The following DCDC2 variants were observed in gnomAD, a reference collection of about 807,000 sequenced individuals.
DCDC2 encodes the protein doublecortin domain-containing protein 2.
Under a neutral mutation model 50.2 loss-of-function variants are expected in DCDC2, and 40 were observed. The observed-to-expected ratio is 0.80, with a 90% CI of 0.62 to 1.04. DCDC2 has a LOEUF of 1.04. Among genes scored for constraint, DCDC2 ranks in the 50% least tolerant of loss-of-function variants. The pLI is 0.00. For missense variants in DCDC2, 570 were observed against 581.9 expected (o/e 0.98, Z 0.21); for synonymous variants, 234 against 210.6 (o/e 1.11, Z -0.96).
In DCDC2 at chr6:24,248,492, GTGGTAGTATTAGTAT is replaced by G. The variant is rs769553392; in HGVS notation, c.922+29542_922+29556del. On this transcript the variant is annotated intron_variant, in intron 7 of 9. Transcript: ENST00000378454. ...CTGGCACACAGGATGTCCTTAATCAGTGGTAGTATTAGTATTGGTAGTATTAGTATTAGTATCATT... is the reference window on the plus strand; with the variant it reads ...CTGGCACACAGGATGTCCTTAATCAGTGGTAGTATTAGTATTAGTATCATT... 4.3e-4 allele frequency among the ~76,000 whole-genome samples: 66 copies of G among 152,250 alleles called. 1 individual carries two copies. Among genetic ancestry groups the G allele is most frequent in the Non-Finnish European group, 8.1e-4 (55 of 68,028 alleles).
chr6:24,279,707 G>C (rs807722), intron 6 of DCDC2, among the ~76,000 whole-genome samples: 84,629 of 152,122 alleles, frequency 0.56, 26,483 homozygotes, highest in East Asian at 0.78. Context: ...TGGAAAGAAT[G>C]CAAGTTTTAG....
chr6:24,286,369 G>A (rs1008038578), intron 6 of DCDC2, among the ~76,000 whole-genome samples: 1 of 152,146 alleles, frequency 6.6e-6, no homozygotes, highest in African/African-American at 2.4e-5. Context: ...AAGGCAGGCC[G>A]ATCGCTGGAG....
chr6:24,215,678 G>C (rs943355092), intron 7 of DCDC2, among the ~76,000 whole-genome samples: 1 of 152,192 alleles, frequency 6.6e-6, no homozygotes, highest in Non-Finnish European at 1.5e-5. Context: ...GTAGCCAGGA[G>C]ATTTCAAAGC....
chr6:24,205,416 C>T (rs536682459), intron 7 of DCDC2: 38 of 1,261,180 alleles, frequency 3.0e-5, no homozygotes, highest in Admixed American at 2.1e-4. Context: ...AAGAAATTCA[C>T]AAGTATCATC....
At chr6:24,226,617 A>G (rs1762239642) in intron 7 of DCDC2, among the ~76,000 whole-genome samples, 3 of 152,234 alleles carry the variant, frequency 2.0e-5, no homozygotes, top group Non-Finnish European at 4.4e-5. Context: ...TGTCAAGAAT[A>G]AATTAAAGGA....
intron 2 of DCDC2, among the ~76,000 whole-genome samples, chr6:24,337,465 G>A (rs1010310093): frequency 1.4e-4 from 21 of 151,832 alleles, no homozygotes; most frequent in African/African-American, 4.1e-4. Context: ...AATAATTCCC[G>A]GCAATATTTT....
chr6:24,324,979 A>T (rs559301172), intron 2 of DCDC2, among the ~76,000 whole-genome samples: 6 of 152,288 alleles, frequency 3.9e-5, no homozygotes, highest in Middle Eastern at 3.4e-3. Flanking sequence ...TACATCAAAG[A>T]CAGCACAAGA....
chr6:24,227,967 T>A (rs1762265917), intron 7 of DCDC2, among the ~76,000 whole-genome samples: 1 of 152,228 alleles, frequency 6.6e-6, no homozygotes, highest in South Asian at 2.1e-4. Context: ...ACTTGCTGGT[T>A]CTATCTTAAA....
chr6:24,210,392 C>T (rs1761840832), intron 7 of DCDC2, among the ~76,000 whole-genome samples: 1 of 152,304 alleles, frequency 6.6e-6, no homozygotes, highest in Non-Finnish European at 1.5e-5. Flanking sequence ...GGTCAAAACA[C>T]AACTCTGGTT....
upstream of DCDC2, among the ~76,000 whole-genome samples, chr6:24,360,944 T>C (rs1249761607): frequency 1.3e-5 from 2 of 152,102 alleles, no homozygotes; most frequent in Non-Finnish European, 2.9e-5. Context: ...TTCAAACCCA[T>C]TCTAAGGATT....
intron 7 of DCDC2, among the ~76,000 whole-genome samples, chr6:24,258,869 C>T (rs747209984): frequency 2.0e-5 from 3 of 152,144 alleles, no homozygotes; most frequent in Non-Finnish European, 2.9e-5. Flanking sequence ...AGTTTGAATC[C>T]TTCATTTGCA....
intron 7 of DCDC2, among the ~76,000 whole-genome samples, chr6:24,272,229 T>C (rs565762867): frequency 6.6e-6 from 1 of 152,362 alleles, no homozygotes; most frequent in Non-Finnish European, 1.5e-5. Context: ...CTTTTATTAA[T>C]AGAGTTTAAA....
chr6:24,204,998 T>C lies in DCDC2; in HGVS notation c.1023+4A>G. On this transcript the variant is annotated splice_donor_region_variant and intron_variant, in intron 8 of 9. Transcript: ENST00000378454. ...ACACATATTTTTTAAGGCATGGAGATTACCTGATCGACTGGAACCTCAACC... is the reference window on the plus strand; with the variant it reads ...ACACATATTTTTTAAGGCATGGAGACTACCTGATCGACTGGAACCTCAACC... 6.2e-7 allele frequency: 1 copy of C among 1,612,680 alleles called. No homozygotes were observed. Among genetic ancestry groups the C allele is most frequent in the African/African-American group, 1.3e-5 (1 of 74,948 alleles).
intron 7 of DCDC2, among the ~76,000 whole-genome samples, chr6:24,227,226 C>A (rs1365874923): frequency 6.6e-6 from 1 of 152,116 alleles, no homozygotes; most frequent in African/African-American, 2.4e-5. Context: ...TTTTTGAGAA[C>A]TTCTGGATGA....
chr6:24,224,560 G>A (rs1380393032), intron 7 of DCDC2, among the ~76,000 whole-genome samples: 1 of 152,224 alleles, frequency 6.6e-6, no homozygotes, highest in South Asian at 2.1e-4. Context: ...CATATGTGGT[G>A]TGCACTGGTG....
At chr6:24,267,780 G>T (rs1763156481) in intron 7 of DCDC2, among the ~76,000 whole-genome samples, 1 of 152,134 alleles carries the variant, frequency 6.6e-6, no homozygotes, top group South Asian at 2.1e-4. Flanking sequence ...ACTCCACAAG[G>T]GAACCCTTGC....
In DCDC2 at chr6:24,178,450, A is replaced by T; in HGVS notation, c.1206T>A (p.Ala402=). 1 of 1,614,136 alleles carries T rather than the reference A, an allele frequency of 6.2e-7. No homozygotes were observed. The highest frequency in any genetic ancestry group is 8.5e-7 in the Non-Finnish European group (1 of 1,180,020). Residue 402 remains alanine, a synonymous_variant, in exon 9 of 10, where the codon GCT becomes GCA. Coordinates refer to ENST00000378454, the MANE Select transcript of DCDC2 (RefSeq NM_016356.5). ...LDHSEQQARP[A]RVNGGTDEEN... is the part of the protein sequence containing the mutation. ...CCTCATCGGTGCCTCCATTTACACG[A>T]GCAGGGCGTGCCTGCTGCTCACTGT...
At chr6:24,181,064 C>T (rs865782434) in intron 8 of DCDC2, among the ~76,000 whole-genome samples, 2 of 152,036 alleles carry the variant, frequency 1.3e-5, no homozygotes, top group Non-Finnish European at 2.9e-5. Flanking sequence ...TAAAAGACAC[C>T]GTGAGCCTAG....
intron 6 of DCDC2, among the ~76,000 whole-genome samples, chr6:24,285,849 T>G (rs1763594840): frequency 1.3e-5 from 2 of 152,202 alleles, no homozygotes; most frequent in South Asian, 4.1e-4. Context: ...CCCTGTGACT[T>G]GGGATCAATT....
Sources: gnomAD v4.1 joint callset for allele counts (sites outside exome capture counted in the v4.1 genomes callset) on GRCh38, gnomAD v4.1.1 for gene constraint, MANE v1.5 for transcripts, NCBI Gene and HGNC (gene_info 2026-07-23, HGNC 2026-07-21) for gene names.